The following FAM107B variants were observed in gnomAD, a reference collection of about 807,000 sequenced individuals.
FAM107B encodes the protein protein FAM107B.
Under a neutral mutation model 31.5 loss-of-function variants are expected in FAM107B, and 21 were observed. The ratio of observed to expected loss-of-function variants is 0.67; its 90% CI spans 0.47 to 0.96. FAM107B has a LOEUF of 0.96. Among genes scored for constraint, FAM107B ranks in the 40% least tolerant of loss-of-function variants. FAM107B has a pLI of 0.00. For synonymous variants in FAM107B, 157 were observed against 141.5 expected (o/e 1.11, Z -0.78); for missense variants, 452 against 377.1 (o/e 1.20, Z -1.64).
chr10:14,571,332 C>G (rs2131266018), intron 2 of FAM107B, among the ~76,000 whole-genome samples: 2 of 152,148 alleles, frequency 1.3e-5, no homozygotes, highest in South Asian at 4.1e-4. Context: ...ATTATCAGGC[C>G]TACAATCTTC....
Position 14,652,087 on chromosome 10 carries a change from C to A in FAM107B, c.469+15547G>T, listed in dbSNP as rs540685184. 1.8e-3 allele frequency among the ~76,000 whole-genome samples: 267 copies of A among 152,142 alleles called. 1 individual carries two copies. The highest frequency in any genetic ancestry group is 6.8e-3 in the Middle Eastern group (2 of 294). On this transcript the variant is annotated intron_variant, in intron 2 of 4. Transcript: ENST00000181796. ...GGATGTTTGTTGTCTTTGATTCTAC[C>A]AGAGTTAAACATAATGTTTTGATGG...
chr10:14,522,214 A>G (rs1179398003), intron 3 of FAM107B, 195 bp from the exon 4 acceptor site: 2 of 668,568 alleles, frequency 3.0e-6, no homozygotes, highest in African/African-American at 1.8e-5. Flanking sequence ...GAGATCTCCA[A>G]AGAGTACATA....
chr10:14,729,433 G>A (rs781466358), intron 1 of FAM107B, among the ~76,000 whole-genome samples: 6 of 152,172 alleles, frequency 3.9e-5, no homozygotes, highest in Non-Finnish European at 7.3e-5. Flanking sequence ...CTGGTCCTGG[G>A]CAGTGGGAAT....
At chr10:14,531,167 C>T (rs935957411) in intron 2 of FAM107B, among the ~76,000 whole-genome samples, 2 of 152,210 alleles carry the variant, frequency 1.3e-5, no homozygotes, top group African/African-American at 2.4e-5. Context: ...AATCACAGGA[C>T]TGAAACCGCT....
At chr10:14,538,567 C>T (rs1450425832) in intron 2 of FAM107B, among the ~76,000 whole-genome samples, 3 of 152,154 alleles carry the variant, frequency 2.0e-5, no homozygotes, top group East Asian at 1.9e-4. Context: ...AGTGAATAGA[C>T]GGCAGTACCA....
intron 2 of FAM107B, among the ~76,000 whole-genome samples, chr10:14,538,217 A>G (rs1847835253): frequency 6.6e-6 from 1 of 152,268 alleles, no homozygotes; most frequent in African/African-American, 2.4e-5. Flanking sequence ...GGGAGGCAGG[A>G]AAGACATATT....
intron 1 of FAM107B, among the ~76,000 whole-genome samples, chr10:14,764,151 C>T (rs187765210): frequency 1.4e-4 from 21 of 152,334 alleles, no homozygotes; most frequent in Admixed American, 1.2e-3. Flanking sequence ...CACTTTTACA[C>T]GATCATGCAT....
chr10:14,725,710 A>C (rs2131554222), intron 1 of FAM107B, among the ~76,000 whole-genome samples: 1 of 152,044 alleles, frequency 6.6e-6, no homozygotes, highest in South Asian at 2.1e-4. Flanking sequence ...TTCTACCTTC[A>C]TGATCTTATC....
chr10:14,627,349 G>A (rs1295997920), intron 2 of FAM107B, among the ~76,000 whole-genome samples: 3 of 152,130 alleles, frequency 2.0e-5, no homozygotes, highest in Non-Finnish European at 4.4e-5. Context: ...TTTTAGAAAC[G>A]GACCATATGG....
chr10:14,701,267 CAG>C lies in FAM107B; in HGVS notation c.412-33578_412-33577del, dbSNP rs1232741712. Among the ~76,000 whole-genome samples, 6 of 152,090 alleles carry C rather than the reference CAG, an allele frequency of 3.9e-5. No individual in the cohort carries two copies. In the East Asian group the frequency reaches 1.2e-3, roughly 29 times the overall value. On this transcript the variant is annotated intron_variant, in intron 1 of 4. Coordinates refer to ENST00000181796, the MANE Select transcript of FAM107B (RefSeq NM_031453.4). ...AATTTTATTTATTTATTTTTTGAGA[CAG>C]ACTCTCACTCTGTCGTCCAGGCTGG...
chr10:14,602,526 C>T (rs2131374857), intron 2 of FAM107B: 1 of 152,308 alleles, frequency 6.6e-6, no homozygotes, highest in East Asian at 1.9e-4. Context: ...CTCAGGAAAA[C>T]CCTTATTTTA....
At chr10:14,701,743 C>T (rs1855404185) in intron 1 of FAM107B, among the ~76,000 whole-genome samples, 1 of 151,298 alleles carries the variant, frequency 6.6e-6, no homozygotes, top group Admixed American at 6.6e-5. Flanking sequence ...AAAAGCATGG[C>T]GGACAGAGGC....
intron 2 of FAM107B, among the ~76,000 whole-genome samples, chr10:14,600,701 G>A (rs1370682484): frequency 1.3e-5 from 2 of 152,146 alleles, no homozygotes; most frequent in African/African-American, 2.4e-5. Flanking sequence ...GTGCACTGGC[G>A]TGATCACAGC....
intron 2 of FAM107B, among the ~76,000 whole-genome samples, chr10:14,628,921 G>C (rs1016787197): frequency 6.6e-6 from 1 of 151,826 alleles, no homozygotes; most frequent in Non-Finnish European, 1.5e-5. Context: ...TTAGACTCAT[G>C]CTTTTAAGTT....
In FAM107B at chr10:14,710,431, TACACACACACACACACACAC is replaced by T. The variant is rs57418409; in HGVS notation, c.412-42760_412-42741del. ...ATATTTTTTTGCCTGTCTCTAAAAA[TACACACACACACACACACAC>T]ACACACACACACACACACACACACA... is the stretch of plus-strand genomic sequence containing the variant. On this transcript the variant is annotated intron_variant, in intron 1 of 4. Transcript: ENST00000181796. 7.5e-5 allele frequency among the ~76,000 whole-genome samples: 11 copies of T among 146,420 alleles called. No individual in the cohort carries two copies. In the East Asian group the frequency reaches 1.6e-3, roughly 21 times the overall value.
intron 1 of FAM107B, among the ~76,000 whole-genome samples, chr10:14,686,535 G>A (rs556720548): frequency 6.6e-6 from 1 of 152,282 alleles, no homozygotes; most frequent in South Asian, 2.1e-4. Flanking sequence ...AGAAGTCACG[G>A]CCCTAGGCAG....
At chr10:14,682,462 C>A (rs900068183) in intron 1 of FAM107B, among the ~76,000 whole-genome samples, 4 of 152,116 alleles carry the variant, frequency 2.6e-5, no homozygotes, top group African/African-American at 7.2e-5. Context: ...CCAGGAGGTG[C>A]AGGTTGCAGT....
At chr10:14,750,023 A>G (rs1247810727) in intron 1 of FAM107B, among the ~76,000 whole-genome samples, 3 of 152,248 alleles carry the variant, frequency 2.0e-5, no homozygotes, top group East Asian at 1.9e-4. Context: ...GCACCTGGGA[A>G]CTCCGGAAGT....
chr10:14,688,225 G>A (rs1564626215), intron 1 of FAM107B, among the ~76,000 whole-genome samples: 1 of 152,190 alleles, frequency 6.6e-6, no homozygotes, highest in African/African-American at 2.4e-5. Context: ...GTTTGCCAGG[G>A]GCTCTCGGGC....
Sources: allele counts gnomAD v4.1 joint callset (sites outside exome capture counted in the v4.1 genomes callset), GRCh38; gene constraint gnomAD v4.1.1; transcripts MANE v1.5; gene names NCBI Gene and HGNC (gene_info 2026-07-23, HGNC 2026-07-21).